The following ATP8B4 variants were observed in gnomAD, a reference collection of about 807,000 sequenced individuals.
The protein encoded by ATP8B4 is ATPase phospholipid transporting 8B4 (putative).
In ATP8B4, 133 loss-of-function variants were observed where a neutral mutation model predicts 145.6. The observed-to-expected ratio is 0.91, with a 90% CI of 0.79 to 1.05. The LOEUF (loss-of-function observed/expected upper bound fraction) is 1.05. Among genes scored for constraint, ATP8B4 ranks in the 50% least tolerant of loss-of-function variants. The probability of loss-of-function intolerance (pLI) is 0.00; values close to 1 mark genes in which losing one functional copy is unlikely to be tolerated. For synonymous variants in ATP8B4, 507 were observed against 492.9 expected (o/e 1.03, Z -0.38); for missense variants, 1,458 against 1,425.2 (o/e 1.02, Z -0.37).
In ATP8B4 at chr15:49,859,934, TAA is replaced by T. The variant is rs56272247; in HGVS notation, c.*258_*259del. ...AGGTCAATTGGTATCTAGGTTGATTTAAAAAAAAAAAAAATCTGTACTTGTAA... is the reference window on the plus strand; with the variant it reads ...AGGTCAATTGGTATCTAGGTTGATTTAAAAAAAAAAAATCTGTACTTGTAA... On this transcript the variant is annotated 3_prime_UTR_variant, in exon 28 of 28. Transcript: ENST00000284509. The T allele has an allele frequency of 0.24, 83,803 of 355,460 alleles. 7,768 individuals are homozygous for T. Among genetic ancestry groups the T allele is most frequent in the African/African-American group, 0.26 (12,033 of 46,450 alleles). The allele number at this position is 355,460 out of a possible 1,614,324, so 22.0% of individuals were successfully genotyped here. A position where few individuals can be genotyped will look rare whatever the true frequency, so the allele number is the denominator to read the frequency against.
Position 49,876,673 on chromosome 15 carries a change from A to T in ATP8B4, c.2782-150T>A, listed in dbSNP as rs1185744276. 3.7e-6 allele frequency: 4 copies of T among 1,068,380 alleles called. No individual in the cohort carries two copies. In the Admixed American group the frequency reaches 7.9e-5, roughly 21 times the overall value. The allele number at this position is 1,068,380 out of a possible 1,614,324, so 66.2% of individuals were successfully genotyped here. ...CAGAACAGGACATTATCTTGTTTGT[A>T]TTCCCACAATAAACCAGAAGATAAT... On this transcript the variant is annotated intron_variant, in intron 24 of 27. Coordinates refer to ENST00000284509, the MANE Select transcript of ATP8B4 (RefSeq NM_024837.4).
In ATP8B4 at chr15:49,987,454, T is replaced by C; in HGVS notation, c.685A>G (p.Ile229Val). 1 of 1,613,932 alleles carries C rather than the reference T, an allele frequency of 6.2e-7. No individual in the cohort carries two copies. Among genetic ancestry groups the C allele is most frequent in the Non-Finnish European group, 8.5e-7 (1 of 1,179,848 alleles). Residue 229 changes from isoleucine (I) to valine (V), a missense_variant, in exon 10 of 28, where the codon ATA (isoleucine) becomes GTA (valine). Coordinates refer to ENST00000284509, the MANE Select transcript of ATP8B4 (RefSeq NM_024837.4). ...CTCAGGATGCAGCCTCTCAGGATTA[T>C]CTTCTCATTGTTGAGGGAATGCTTG... ...DSKHSLNNEK[I>V]ILRGCILRNT...
intron 1 of ATP8B4, among the ~76,000 whole-genome samples, chr15:50,165,335 G>A (rs1459479089): frequency 2.0e-5 from 3 of 152,188 alleles, no homozygotes; most frequent in East Asian, 3.8e-4. Context: ...TTATAGGCAT[G>A]AGCCACCACG....
intron 21 of ATP8B4, among the ~76,000 whole-genome samples, chr15:49,900,240 G>A (rs2037871674): frequency 6.6e-6 from 1 of 152,168 alleles, no homozygotes; most frequent in Non-Finnish European, 1.5e-5. Context: ...AATCCAGCTG[G>A]ATAATGCTCT....
chr15:49,930,865 T>A (rs571955788), intron 16 of ATP8B4, among the ~76,000 whole-genome samples: 16 of 152,222 alleles, frequency 1.1e-4, no homozygotes, highest in South Asian at 4.1e-4. Context: ...AAAATTTTTT[T>A]ATATTTTTAT....
At chr15:49,967,072 C>A (rs532755364) in intron 13 of ATP8B4, among the ~76,000 whole-genome samples, 6 of 152,290 alleles carry the variant, frequency 3.9e-5, no homozygotes, top group Middle Eastern at 3.4e-3. Context: ...TGAATAGCAT[C>A]AACATCAACA....
At chr15:50,013,398 G>A (rs1343547103) in intron 6 of ATP8B4, among the ~76,000 whole-genome samples, 1 of 152,062 alleles carries the variant, frequency 6.6e-6, no homozygotes, top group Non-Finnish European at 1.5e-5. Flanking sequence ...TTTTGCCATT[G>A]TCAAAAGGTG....
intron 10 of ATP8B4, among the ~76,000 whole-genome samples, chr15:49,985,532 G>A (rs1170363261): frequency 6.6e-6 from 1 of 152,186 alleles, no homozygotes; most frequent in Non-Finnish European, 1.5e-5. Context: ...CTGTTTGCCA[G>A]CATTCTAATT....
chr15:49,894,469 C>T (rs1480886884), intron 23 of ATP8B4, among the ~76,000 whole-genome samples: 1 of 152,140 alleles, frequency 6.6e-6, no homozygotes, highest in African/African-American at 2.4e-5. Context: ...GTATCCTGCC[C>T]TATTTAAATC....
At chr15:50,069,108 T>C (rs145186565) in intron 3 of ATP8B4, among the ~76,000 whole-genome samples, 1 of 152,242 alleles carries the variant, frequency 6.6e-6, no homozygotes, top group African/African-American at 2.4e-5. Context: ...TTGAACTCCC[T>C]TCTAATGAGA....
chr15:49,916,639 G>C (rs2039769530), intron 20 of ATP8B4, among the ~76,000 whole-genome samples: 1 of 152,118 alleles, frequency 6.6e-6, no homozygotes, highest in Admixed American at 6.5e-5. Context: ...GAGTGAGCAG[G>C]TACTAACCAA....
chr15:49,987,354 G>T (rs1309700257), intron 10 of ATP8B4, 37 bp downstream of exon 10: 16 of 1,602,030 alleles, frequency 1.0e-5, no homozygotes, highest in Non-Finnish European at 1.3e-5. Flanking sequence ...TTGCAGGAAA[G>T]GTTCCCACAG....
chr15:49,906,814 C>T (rs1411628546), intron 20 of ATP8B4, among the ~76,000 whole-genome samples: 2 of 152,098 alleles, frequency 1.3e-5, no homozygotes, highest in Non-Finnish European at 2.9e-5. Flanking sequence ...CCCATCCCAG[C>T]CTAGGGAAAG....
intron 14 of ATP8B4, among the ~76,000 whole-genome samples, chr15:49,954,178 G>A (rs1266863790): frequency 1.3e-5 from 2 of 152,092 alleles, no homozygotes; most frequent in African/African-American, 4.8e-5. Flanking sequence ...TGGCTTTCTT[G>A]CTCCTCAGCT....
In ATP8B4 at chr15:49,916,843, T is replaced by C. The variant is rs548666000; in HGVS notation, c.2141+91A>G. The C allele has an allele frequency of 6.3e-4, 765 of 1,219,788 alleles. 14 individuals are homozygous for C. The South Asian group carries it at 9.5e-3, about 15-fold the overall frequency. 75.6% of individuals were successfully genotyped at this position (1,219,788 alleles called of 1,614,324 possible). On this transcript the variant is annotated intron_variant, in intron 20 of 27. Transcript: ENST00000284509. ...ACTAAGTTAAGACCACAGGAAACTA[T>C]AGCATAGCTTTTCACTTTCTCAACT...
chr15:49,995,267 AGTAAT>A, intron 9 of ATP8B4, among the ~76,000 whole-genome samples: 1 of 152,302 alleles, frequency 6.6e-6, no homozygotes, highest in Admixed American at 6.5e-5. Flanking sequence ...GAAAGAAATG[AGTAAT>A]AGTAAATTAT....
intron 1 of ATP8B4, among the ~76,000 whole-genome samples, chr15:50,148,873 CTT>C (rs1311725307): frequency 4.6e-5 from 7 of 152,232 alleles, no homozygotes; most frequent in African/African-American, 1.4e-4. Context: ...ACAAAATTCT[CTT>C]GTTTTAAGTG....
chr15:49,959,971 C>A, intron 14 of ATP8B4, among the ~76,000 whole-genome samples: 1 of 150,626 alleles, frequency 6.6e-6, no homozygotes, highest in East Asian at 1.9e-4. Flanking sequence ...AAAAAAAGAG[C>A]ACTGAAAAAC....
chr15:50,122,863 C>T (rs1165099965), upstream of ATP8B4, among the ~76,000 whole-genome samples: 1 of 152,162 alleles, frequency 6.6e-6, no homozygotes, highest in Non-Finnish European at 1.5e-5. Flanking sequence ...GTAAATTACT[C>T]ACCCACCTTA....
Sources: gnomAD v4.1 joint callset for allele counts (sites outside exome capture counted in the v4.1 genomes callset) on GRCh38, gnomAD v4.1.1 for gene constraint, MANE v1.5 for transcripts, NCBI Gene and HGNC (gene_info 2026-07-23, HGNC 2026-07-21) for gene names.